Variants in UNC13A observed in about 807,000 individuals in gnomAD.
UNC13A encodes unc-13 homolog A, also known as protein unc-13 homolog A.
Under a neutral mutation model 219.7 loss-of-function variants are expected in UNC13A, and 61 were observed. That is an observed-to-expected ratio of 0.28 (90% CI 0.23 to 0.34). The LOEUF is 0.34. Ranked by LOEUF, UNC13A falls within the 10% of genes least tolerant of loss-of-function variation. UNC13A has a pLI of 1.00. For synonymous variants in UNC13A, 920 were observed against 884.6 expected, an observed-to-expected ratio of 1.04 and a Z score of -0.71; for missense variants, 1,476 against 2,270.3, an observed-to-expected ratio of 0.65 and a Z score of 7.11.
chr19:17,635,718 A>G (rs1214453367), intron 26 of UNC13A, among the ~76,000 whole-genome samples: 1 of 149,702 alleles, frequency 6.7e-6, no homozygotes, highest in African/African-American at 2.6e-5. Context: ...GAGCAACACT[A>G]TTATTAATTA....
In UNC13A at chr19:17,640,889, T is replaced by C. The variant is rs1448247133; in HGVS notation, c.2637-228A>G. On this transcript the variant is annotated intron_variant, in intron 21 of 43. Transcript: ENST00000519716. ...CTTTTTTTCTTTCTTTCTTTTTTTTTTTTTTTTGAGATGGAGTCTCACTCT... is the reference window on the plus strand; with the variant it reads ...CTTTTTTTCTTTCTTTCTTTTTTTTCTTTTTTTGAGATGGAGTCTCACTCT... Among the ~76,000 whole-genome samples the C allele has an allele frequency of 2.7e-5, 4 of 150,800 alleles. No individual in the cohort carries two copies. The East Asian group carries it at 7.7e-4, about 29-fold the overall frequency.
intron 4 of UNC13A, among the ~76,000 whole-genome samples, chr19:17,670,398 T>A (rs8103077): frequency 6.6e-6 from 1 of 151,672 alleles, no homozygotes; most frequent in Non-Finnish European, 1.5e-5. Context: ...GTGCCAGCAC[T>A]CCTGGCTAAT....
rs1410846402 is a variant in UNC13A at position 17,605,063 on chromosome 19, C to G, written c.*991G>C. 4 of 152,674 alleles carry G rather than the reference C, an allele frequency of 2.6e-5. No homozygotes were observed. The highest frequency in any genetic ancestry group is 9.7e-5 in the African/African-American group (4 of 41,448). 9.5% of individuals were successfully genotyped at this position (152,674 alleles called of 1,614,324 possible). On this transcript the variant is annotated 3_prime_UTR_variant, in exon 44 of 44. Transcript: ENST00000519716. ...AGATCCCAGGAGAAAGGGCTGAGGGCAAAGGTCCTGCTTGGCAGCCGGAGA... is the reference window on the plus strand; with the variant it reads ...AGATCCCAGGAGAAAGGGCTGAGGGGAAAGGTCCTGCTTGGCAGCCGGAGA...
intron 10 of UNC13A, 106 bp from the exon 11 acceptor site, chr19:17,655,488 T>C: frequency 2.1e-6 from 2 of 931,250 alleles, no homozygotes; most frequent in Non-Finnish European, 3.2e-6. Flanking sequence ...ATGGTATCTC[T>C]GACCCCTCAG....
intron 41 of UNC13A, among the ~76,000 whole-genome samples, chr19:17,615,570 T>A (rs879458436): frequency 7.2e-5 from 11 of 151,908 alleles, no homozygotes; most frequent in Admixed American, 7.2e-4. Context: ...TCCCAGCTAC[T>A]CAGGAGGCTG....
intron 1 of UNC13A, chr19:17,676,298 C>A: frequency 1.6e-6 from 1 of 612,894 alleles, no homozygotes. Context: ...GAGAAGCCAT[C>A]AGACAGATGA....
intron 41 of UNC13A, 29 bp from the exon 42 acceptor site, chr19:17,611,884 G>T: frequency 1.3e-6 from 2 of 1,598,270 alleles, no homozygotes; most frequent in Non-Finnish European, 1.7e-6. Flanking sequence ...GATGGTCAGC[G>T]TGAGCTCTGT....
intron 38 of UNC13A, 105 bp from the exon 39 acceptor site, chr19:17,619,067 T>C (rs2076698953): frequency 9.5e-7 from 1 of 1,055,586 alleles, no homozygotes; most frequent in South Asian, 1.3e-5. Context: ...GGCAGGGCAA[T>C]AATTGTGTCC....
At chr19:17,647,197 G>T in intron 17 of UNC13A, 68 bp downstream of exon 17, 2 of 1,417,170 alleles carry the variant, frequency 1.4e-6, no homozygotes, top group Non-Finnish European at 1.9e-6. Flanking sequence ...CAGGCCATGG[G>T]ACAGGGCATG....
chr19:17,657,783 C>T (rs1040267061), intron 9 of UNC13A, among the ~76,000 whole-genome samples: 6 of 151,140 alleles, frequency 4.0e-5, no homozygotes, highest in East Asian at 3.9e-4. Context: ...GCAGGAGAAT[C>T]GCTTGAGTCT....
intron 26 of UNC13A, among the ~76,000 whole-genome samples, chr19:17,634,135 G>A (rs1442429587): frequency 2.0e-5 from 3 of 151,358 alleles, no homozygotes; most frequent in South Asian, 2.1e-4. Context: ...CCATCCATCC[G>A]TCCATCCTTC....
chr19:17,662,765 A>G (rs1469144087), intron 8 of UNC13A, among the ~76,000 whole-genome samples: 1 of 152,070 alleles, frequency 6.6e-6, no homozygotes, highest in Non-Finnish European at 1.5e-5. Flanking sequence ...CTAAAAATAC[A>G]AAAAATTAGC....
At position 17,606,287 on chromosome 19, in the gene UNC13A, C is replaced by G; in HGVS notation, c.4879G>C (p.Ala1627Pro). The change falls in exon 44 of 44, where the codon GCG (alanine) becomes CCG (proline). Residue 1627 changes from alanine (A) to proline (P), a missense_variant. Ala to Pro is a conservative substitution (Grantham distance 27, BLOSUM62 -1). Coordinates refer to ENST00000519716, the MANE Select transcript of UNC13A (RefSeq NM_001080421.3). ...AGCCCCACCGTGCGGTCCTCGCGCG[C>G]GAAGCAGTAGTCCTTGACGCACACC... Reference protein sequence around the residue: ...LQVCVKDYCFAREDRTVGLAV... With the variant: ...LQVCVKDYCFPREDRTVGLAV... 1 of 1,548,768 alleles carries G rather than the reference C, an allele frequency of 6.5e-7. No individual in the cohort carries two copies. The highest frequency in any genetic ancestry group is 8.7e-7 in the Non-Finnish European group (1 of 1,146,930).
intron 26 of UNC13A, 63 bp from the exon 27 acceptor site, chr19:17,633,256 G>T (rs1212560553): frequency 1.3e-6 from 2 of 1,492,362 alleles, no homozygotes; most frequent in African/African-American, 1.4e-5. Flanking sequence ...GGGCTGCTTT[G>T]TCCTTCCCTG....
chr19:17,638,415 C>T (rs2076933014), intron 25 of UNC13A, among the ~76,000 whole-genome samples: 1 of 152,052 alleles, frequency 6.6e-6, no homozygotes. Context: ...CTGCAGTGAG[C>T]CATGATTGCA....
At chr19:17,677,571 C>T (rs769135143) in intron 1 of UNC13A, among the ~76,000 whole-genome samples, 1 of 151,972 alleles carries the variant, frequency 6.6e-6, no homozygotes, top group Non-Finnish European at 1.5e-5. Context: ...CAGTATATGT[C>T]GGCCAGGCTG....
At chr19:17,610,245 C>G (rs2076587879) in intron 42 of UNC13A, 146 bp from the exon 43 acceptor site, 2 of 1,036,586 alleles carry the variant, frequency 1.9e-6, no homozygotes, top group Admixed American at 4.4e-5. Flanking sequence ...GCGGGTGGAT[C>G]ACTTGAGTCC....
rs572915367 is a variant in UNC13A, at chr19:17,687,709, C to T, written c.22+469G>A. On this transcript the variant is annotated intron_variant, in intron 1 of 43. Coordinates refer to ENST00000519716, the MANE Select transcript of UNC13A (RefSeq NM_001080421.3). The stretch of plus-strand genomic sequence containing the variant: ...CATCCCCACGGCTTGGAGAACCCTC[C>T]CACCGCACTCTCCTTCGAATTTCCA... Among the ~76,000 whole-genome samples, 19 of 152,216 alleles carry T rather than the reference C, an allele frequency of 1.2e-4. No individual in the cohort carries two copies. In the East Asian group the frequency reaches 3.3e-3, roughly 26 times the overall value.
chr19:17,673,767 T>C (rs2079841969), intron 3 of UNC13A, among the ~76,000 whole-genome samples: 1 of 151,254 alleles, frequency 6.6e-6, no homozygotes, highest in Admixed American at 6.6e-5. Context: ...TCCCAGCACC[T>C]TGGGAGGCTG....
Sources: allele counts gnomAD v4.1 joint callset (sites outside exome capture counted in the v4.1 genomes callset), GRCh38; gene constraint gnomAD v4.1.1; transcripts MANE v1.5; gene names NCBI Gene and HGNC (gene_info 2026-07-23, HGNC 2026-07-21).